The following SH3KBP1 variants were observed in gnomAD, a reference collection of about 807,000 sequenced individuals.
SH3KBP1 encodes the protein SH3 domain containing kinase binding protein 1.
A neutral mutation model predicts 50.1 loss-of-function variants in SH3KBP1; 8 were observed. The observed-to-expected ratio is 0.16, with a 90% confidence interval of 0.09 to 0.29. The LOEUF (loss-of-function observed/expected upper bound fraction) is 0.29, where lower values mean the gene tolerates loss of function less well. SH3KBP1 is among the 10% of genes least tolerant of loss of function. SH3KBP1 has a pLI of 1.00. For synonymous variants in SH3KBP1, 227 were observed against 218.6 expected (o/e 1.04, Z -0.34); for missense variants, 377 against 535.2 (o/e 0.70, Z 2.92).
At position 19,537,626 on chromosome X, in the gene SH3KBP1, G is replaced by T. The variant is rs1169656217; in HGVS notation, c.1956+91C>A. On this transcript the variant is annotated intron_variant, in intron 17 of 17. Transcript: ENST00000397821. ...AATGTATCCAGATCTGCAGAGAGGT[G>T]ACAATCATTTATTTTTGAAATAAAA... The T allele has an allele frequency of 9.5e-6, 7 of 734,157 alleles. No individual in the cohort carries two copies. In the African/African-American group the frequency reaches 1.5e-4, roughly 16 times the overall value. The allele number at this position is 734,157 out of a possible 1,213,427, so 60.5% of individuals were successfully genotyped here.
chrX:19,571,863 TG>T (rs1480134722), intron 12 of SH3KBP1, among the ~76,000 whole-genome samples: 1 of 108,469 alleles, frequency 9.2e-6, no homozygotes, highest in Non-Finnish European at 1.9e-5. Context: ...GAGGGAAAGA[TG>T]GTTTGAGGTG....
chrX:19,639,179 A>G (rs2061792103), intron 7 of SH3KBP1, among the ~76,000 whole-genome samples: 1 of 111,739 alleles, frequency 8.9e-6, no homozygotes, highest in African/African-American at 3.3e-5. Context: ...TGTGTCCGTC[A>G]GTATGTCTGT....
chrX:19,657,113 A>G (rs1325688106), intron 6 of SH3KBP1, among the ~76,000 whole-genome samples: 1 of 112,046 alleles, frequency 8.9e-6, no homozygotes, highest in Non-Finnish European at 1.9e-5. Context: ...AAGGCTTATT[A>G]TGCCTGTAAT....
intron 2 of SH3KBP1, among the ~76,000 whole-genome samples, chrX:19,808,676 T>C (rs1159396950): frequency 8.9e-6 from 1 of 111,817 alleles, no homozygotes; most frequent in East Asian, 2.8e-4. Flanking sequence ...TGTCAAATTT[T>C]CTAGCTTAAT....
chrX:19,821,309 T>C (rs1281274439), intron 2 of SH3KBP1, among the ~76,000 whole-genome samples: 1 of 111,096 alleles, frequency 9.0e-6, no homozygotes, highest in Non-Finnish European at 1.9e-5. Flanking sequence ...GATAATCACT[T>C]GAACCTGAGA....
intron 2 of SH3KBP1, among the ~76,000 whole-genome samples, chrX:19,751,718 A>ACCATTC (rs757380285): frequency 5.4e-5 from 6 of 111,940 alleles, no homozygotes; most frequent in Non-Finnish European, 9.4e-5. Flanking sequence ...GAGAACTCAC[A>ACCATTC]CCATTCCCTT....
intron 2 of SH3KBP1, among the ~76,000 whole-genome samples, chrX:19,810,984 G>A (rs1231191283): frequency 8.9e-6 from 1 of 111,933 alleles, no homozygotes; most frequent in Non-Finnish European, 1.9e-5. Context: ...ATATTCAAGC[G>A]TTTCAGCATT....
chrX:19,788,529 G>A (rs149687624), intron 2 of SH3KBP1, among the ~76,000 whole-genome samples: 359 of 111,199 alleles, frequency 3.2e-3, no homozygotes, highest in Non-Finnish European at 4.4e-3. Flanking sequence ...AATTTCCACT[G>A]GTTAAGCCAC....
At position 19,887,523 on chromosome X, in the gene SH3KBP1, C is replaced by G. The variant is rs2069634170; in HGVS notation, c.-213G>C. 5.1e-6 allele frequency: 1 copy of G among 197,321 alleles called. No individual in the cohort carries two copies. The highest frequency in any genetic ancestry group is 8.8e-5 in the Admixed American group (1 of 11,419). The allele number at this position is 197,321 out of a possible 1,213,427, so 16.3% of individuals were successfully genotyped here. On this transcript the variant is annotated 5_prime_UTR_variant, in exon 1 of 18. Coordinates refer to ENST00000397821, the MANE Select transcript of SH3KBP1 (RefSeq NM_031892.3). ...TGCTGCCGCTGCTGCCCCGGGGCGACTCCTGCTGCTGCTGTTGCATCGCGG... is the reference window on the plus strand; with the variant it reads ...TGCTGCCGCTGCTGCCCCGGGGCGAGTCCTGCTGCTGCTGTTGCATCGCGG...
intron 11 of SH3KBP1, among the ~76,000 whole-genome samples, chrX:19,590,016 C>G (rs768552356): frequency 9.1e-6 from 1 of 110,468 alleles, no homozygotes; most frequent in East Asian, 2.9e-4. Context: ...GAGGCTGAGG[C>G]GGGAGGATCT....
chrX:19,672,504 T>C (rs754361150), intron 6 of SH3KBP1, among the ~76,000 whole-genome samples: 1 of 112,275 alleles, frequency 8.9e-6, no homozygotes, highest in Admixed American at 9.4e-5. Flanking sequence ...ATGAGAGCAC[T>C]TCACCTCTGT....
intron 3 of SH3KBP1, among the ~76,000 whole-genome samples, chrX:19,736,265 T>G (rs1368112558): frequency 1.8e-5 from 2 of 112,037 alleles, no homozygotes; most frequent in African/African-American, 6.5e-5. Flanking sequence ...CCTATTTTCT[T>G]TACTCATTTT....
intron 12 of SH3KBP1, among the ~76,000 whole-genome samples, chrX:19,575,324 G>T (rs1033755743): frequency 8.9e-6 from 1 of 111,773 alleles, no homozygotes; most frequent in Non-Finnish European, 1.9e-5. Flanking sequence ...TGTGACCTGG[G>T]GTGAACCCTT....
chrX:19,605,926 T>C (rs1331699281), intron 9 of SH3KBP1, among the ~76,000 whole-genome samples: 1 of 112,284 alleles, frequency 8.9e-6, no homozygotes, highest in Admixed American at 9.4e-5. Context: ...TGGCTATTTA[T>C]CAAAGTTTTT....
intron 13 of SH3KBP1, among the ~76,000 whole-genome samples, chrX:19,561,889 C>T (rs1286713131): frequency 1.9e-5 from 2 of 105,013 alleles, no homozygotes; most frequent in Non-Finnish European, 3.9e-5. Context: ...ATGGCTAAGG[C>T]GTGGGGAGAT....
chrX:19,659,226 T>C (rs2062386437), intron 6 of SH3KBP1, among the ~76,000 whole-genome samples: 2 of 107,194 alleles, frequency 1.9e-5, no homozygotes, highest in South Asian at 8.6e-4. Context: ...GTGATTCTCC[T>C]GTCACAGCCT....
At chrX:19,821,047 C>T (rs1024089125) in intron 2 of SH3KBP1, among the ~76,000 whole-genome samples, 11 of 111,175 alleles carry the variant, frequency 9.9e-5, no homozygotes, top group African/African-American at 2.9e-4. Flanking sequence ...TATTGGATAC[C>T]ACACCAGATG....
At chrX:19,609,844 A>T (rs143998076) in intron 8 of SH3KBP1, among the ~76,000 whole-genome samples, 1,129 of 112,215 alleles carry the variant, frequency 0.01, 8 homozygotes, top group Middle Eastern at 0.028. Flanking sequence ...TAGCCCTGAG[A>T]GTTCTGCGAT....
intron 8 of SH3KBP1, among the ~76,000 whole-genome samples, chrX:19,611,649 C>T (rs1338238817): frequency 2.7e-5 from 3 of 111,623 alleles, no homozygotes; most frequent in African/African-American, 6.5e-5. Context: ...CCACCGAGCC[C>T]GGCCCAGAAT....
Sources: allele counts gnomAD v4.1 joint callset (sites outside exome capture counted in the v4.1 genomes callset), GRCh38; gene constraint gnomAD v4.1.1; transcripts MANE v1.5; gene names NCBI Gene and HGNC (gene_info 2026-07-23, HGNC 2026-07-21).